CHPF: variants seen among roughly 807,000 people sequenced by gnomAD.
The protein encoded by CHPF is chondroitin polymerizing factor, non-catalytic subunit.
In CHPF, 34 loss-of-function variants were observed where a neutral mutation model predicts 55.1. The ratio of observed to expected loss-of-function variants is 0.62; its 90% CI spans 0.47 to 0.82. The LOEUF (loss-of-function observed/expected upper bound fraction) is 0.82. Ranked by LOEUF, CHPF falls within the 40% of genes least tolerant of loss-of-function variation. CHPF has a pLI of 0.00. For synonymous variants in CHPF, 489 were observed against 496.6 expected, an observed-to-expected ratio of 0.98 and a Z score of 0.20; for missense variants, 961 against 1,106.1, an observed-to-expected ratio of 0.87 and a Z score of 1.86.
intron 1 of CHPF, chr2:219,542,801 T>G: frequency 1.9e-6 from 1 of 523,492 alleles, no homozygotes; most frequent in African/African-American, 2.0e-5. Context: ...GATAGGTACA[T>G]TCCTCCCTCC....
Position 219,543,504 on chromosome 2 carries a change from G to A in CHPF, c.35C>T (p.Pro12Leu). Residue 12 changes from proline (P) to leucine (L), a missense_variant, in exon 1 of 4, where the codon CCC becomes CTC. Pro to Leu is a moderately conservative substitution (Grantham distance 98, BLOSUM62 -3). Transcript: ENST00000243776. ...RASLLLSVLRPAGPVAVGISL... is the reference protein window; with the variant it reads ...RASLLLSVLRLAGPVAVGISL... ...GATGCCCACGGCCACGGGCCCTGCG[G>A]GCCGCAGCACCGACAGCAGCAGCGA... The A allele has an allele frequency of 1.5e-6, 2 of 1,371,816 alleles. No individual in the cohort carries two copies. The highest frequency in any genetic ancestry group is 1.9e-6 in the Non-Finnish European group (2 of 1,068,518). 85.0% of individuals were successfully genotyped at this position (1,371,816 alleles called of 1,614,324 possible). A position where few individuals can be genotyped will look rare whatever the true frequency, so the allele number is the denominator to read the frequency against.
intron 1 of CHPF, chr2:219,542,993 C>T: frequency 3.9e-6 from 5 of 1,297,170 alleles, no homozygotes; most frequent in Non-Finnish European, 1.9e-6. Context: ...CGGGTCGAGC[C>T]GGTTTAGGAC....
At position 219,543,672 on chromosome 2, in the gene CHPF, G is replaced by T; in HGVS notation, c.-134C>A. ...CGGGCGGGCCCGCTCCCTCCCCGCA[G>T]AGCAGAGCCAGCGGCCCGAGCCGAA... On this transcript the variant is annotated 5_prime_UTR_variant, in exon 1 of 4. It adds an upstream start codon to the 5' untranslated region. Coordinates refer to ENST00000243776, the MANE Select transcript of CHPF (RefSeq NM_024536.6). The T allele has an allele frequency of 1.7e-6, 1 of 581,798 alleles. No individual in the cohort carries two copies. Among genetic ancestry groups the T allele is most frequent in the Non-Finnish European group, 2.6e-6 (1 of 381,788 alleles). 36.0% of individuals were successfully genotyped at this position (581,798 alleles called of 1,614,324 possible).
In CHPF at chr2:219,542,107, G is replaced by A; in HGVS notation, c.397C>T (p.Leu133=). Residue 133 remains leucine (L), a synonymous_variant, in exon 2 of 4, where the codon CTG becomes TTG. Transcript: ENST00000243776. Reference sequence around the variant, plus strand: ...AGCGTGCGGTTCACGGCCACGCCCAGCGTGGGCAGCGTGGTCTGAGAGGTC... The same window carrying A: ...AGCGTGCGGTTCACGGCCACGCCCAACGTGGGCAGCGTGGTCTGAGAGGTC... The part of the protein sequence containing the change: ...VLTSQTTLPT[L]GVAVNRTLGH... The A allele has an allele frequency of 1.3e-6, 2 of 1,568,704 alleles. No individual in the cohort carries two copies. Among genetic ancestry groups the A allele is most frequent in the Non-Finnish European group, 8.6e-7 (1 of 1,163,474 alleles).
intron 3 of CHPF, 151 bp downstream of exon 3, chr2:219,540,795 C>A (rs921772964): frequency 5.4e-6 from 7 of 1,287,858 alleles, no homozygotes; most frequent in Non-Finnish European, 7.5e-6. Context: ...CATAGACAGC[C>A]AAGAGGCTCA....
chr2:219,541,805 G>A lies in CHPF; in HGVS notation c.699C>T (p.Ile233=), dbSNP rs372965504. The change falls in exon 2 of 4, where the codon ATC becomes ATT. Residue 233 remains isoleucine, a synonymous_variant. Transcript: ENST00000243776. The part of the protein sequence containing the change: ...HLYLGRPQDF[I]GGEPTPGRYC... ...AGCGGCCGGGGGTGGGCTCTCCGCC[G>A]ATGAAGTCCTGGGGCCGGCCCAGGT... The A allele has an allele frequency of 8.7e-6, 14 of 1,606,650 alleles. No homozygotes were observed. The African/African-American group carries it at 1.6e-4, about 18-fold the overall frequency.
At chr2:219,542,625 C>T (rs990815445) in intron 1 of CHPF, among the ~76,000 whole-genome samples, 2 of 152,090 alleles carry the variant, frequency 1.3e-5, no homozygotes, top group Admixed American at 1.3e-4. Context: ...CATAAAGGAA[C>T]GTTTGGCATA....
intron 1 of CHPF, among the ~76,000 whole-genome samples, chr2:219,542,460 AGTT>A (rs1351536786): frequency 6.6e-6 from 1 of 152,180 alleles, no homozygotes; most frequent in Non-Finnish European, 1.5e-5. Flanking sequence ...GCTACTTAGT[AGTT>A]ATGTCCTTGA....
In CHPF at chr2:219,541,598, G is replaced by C; in HGVS notation, c.888+18C>G. 6.5e-7 allele frequency: 1 copy of C among 1,534,440 alleles called. No homozygotes were observed. Among genetic ancestry groups the C allele is most frequent in the Non-Finnish European group, 8.8e-7 (1 of 1,134,422 alleles). ...GAACATGACAAGGAGGTATCAGTGG[G>C]ATAGCTTATCATCCCACCTCGTGGT... On this transcript the variant is annotated intron_variant, in intron 2 of 3. Transcript: ENST00000243776.
chr2:219,541,883 G>A lies in CHPF; in HGVS notation c.621C>T (p.His207=), dbSNP rs769400484. The change falls in exon 2 of 4, where the codon CAC becomes CAT. Residue 207 remains histidine, a synonymous_variant. Transcript: ENST00000243776. The part of the protein sequence containing the change: ...LVPDTTYTEA[H]GLARLTGHLS... ...GGTGGCCAGTTAGGCGTGCCAGGCC[G>A]TGCGCCTCGGTGTAGGTGGTGTCAG... is the stretch of plus-strand genomic sequence containing the variant. 3 of 1,613,070 alleles carry A rather than the reference G, an allele frequency of 1.9e-6. No homozygotes were observed. The highest frequency in any genetic ancestry group is 1.3e-5 in the African/African-American group (1 of 74,930).
intron 3 of CHPF, 116 bp from the exon 4 acceptor site, chr2:219,540,758 C>T (rs1330851300): frequency 3.9e-6 from 5 of 1,282,238 alleles, no homozygotes; most frequent in Non-Finnish European, 5.3e-6. Context: ...CCCTGCCAAC[C>T]TCTGCCCATA....
In CHPF at chr2:219,540,212, G is replaced by T. The variant is rs764960369; in HGVS notation, c.1499C>A (p.Pro500His). 1 of 1,613,402 alleles carries T rather than the reference G, an allele frequency of 6.2e-7. No homozygotes were observed. The highest frequency in any genetic ancestry group is 8.5e-7 in the Non-Finnish European group (1 of 1,179,720). ...GAGACGTGAGGCCTCAGTGACATAG[G>T]GCACAGGCAAGATCTCCACGCGGCT... ...PLSRVEILPVPYVTEASRLTV... is the reference protein window; with the variant it reads ...PLSRVEILPVHYVTEASRLTV... The change falls in exon 4 of 4, where the codon CCC (proline) becomes CAC (histidine). Residue 500 changes from proline (P) to histidine (H), a missense_variant. Around this residue, in one of 3 missense-constraint regions of CHPF, gnomAD observed 936 missense variants for 1,058.4 expected, o/e 0.88. Transcript: ENST00000243776.
intron 1 of CHPF, 107 bp downstream of exon 1, chr2:219,543,118 T>C: frequency 7.3e-7 from 1 of 1,366,596 alleles, no homozygotes; most frequent in East Asian, 3.1e-5. Context: ...AAAGACTTCC[T>C]GGCTCGCCAG....
In CHPF at chr2:219,539,355, T is replaced by A; in HGVS notation, c.*28A>T. ...GGAGAAGTGGGGTGGGGTGTGGCCA[T>A]GCCACGGCCCACGGGGACAGGGTGG... On this transcript the variant is annotated 3_prime_UTR_variant, in exon 4 of 4. Transcript: ENST00000243776. 6.4e-7 allele frequency: 1 copy of A among 1,563,960 alleles called. No individual in the cohort carries two copies. Among genetic ancestry groups the A allele is most frequent in the Non-Finnish European group, 8.7e-7 (1 of 1,151,588 alleles).
In CHPF at chr2:219,539,500, G is replaced by A. The variant is rs761137866; in HGVS notation, c.2211C>T (p.Ser737=). The change falls in exon 4 of 4, where the codon AGC becomes AGT. Residue 737 remains serine, a synonymous_variant. Transcript: ENST00000243776. ...LLQRYRAQTC[S]ARLSEDLYHR... is the part of the protein sequence containing the mutation. Reference sequence around the variant, plus strand: ...GGTACAGGTCCTCACTGAGCCTCGCGCTGCACGTCTGGGCCCGGTAGCGCT... The same window carrying A: ...GGTACAGGTCCTCACTGAGCCTCGCACTGCACGTCTGGGCCCGGTAGCGCT... 1.1e-5 allele frequency: 18 copies of A among 1,613,600 alleles called. No homozygotes were observed. In the Admixed American group the frequency reaches 1.2e-4, roughly 10 times the overall value.
Position 219,541,069 on chromosome 2 carries a change from G to T in CHPF, c.945C>A (p.Asp315Glu), listed in dbSNP as rs770064387. 9.9e-6 allele frequency: 16 copies of T among 1,613,406 alleles called. No homozygotes were observed. The highest frequency in any genetic ancestry group is 2.2e-5 in the South Asian group (2 of 90,986). Residue 315 changes from aspartate (D) to glutamate (E), a missense_variant, in exon 3 of 4, where the codon GAC becomes GAA. By Grantham distance (45) the Asp-to-Glu change is conservative. Transcript: ENST00000243776. ...CTGTCAGGGCACTTCGGAAATGAGG[G>T]TCCCCCTCCTGCACTGGCTCCCCAG... ...LSPGEPVQEG[D>E]PHFRSALTAH... is the part of the protein sequence containing the mutation.
rs758749064 is a variant in CHPF at position 219,541,966 on chromosome 2, C to A, written c.538G>T (p.Ala180Ser). 1.2e-6 allele frequency: 2 copies of A among 1,611,418 alleles called. No homozygotes were observed. The highest frequency in any genetic ancestry group is 1.7e-6 in the Non-Finnish European group (2 of 1,178,900). ...TGCTGCTCCAGCAGGTGGCGCAGCG[C>A]CAGGTGCAGGTGTCCAATGGGTCGC... ...EERPIGHLHL[A>S]LRHLLEQHGD... The change falls in exon 2 of 4, where the codon GCG (alanine) becomes TCG (serine). Residue 180 changes from alanine to serine, a missense_variant. Transcript: ENST00000243776.
chr2:219,542,953 A>C, intron 1 of CHPF: 1 of 1,262,968 alleles, frequency 7.9e-7, no homozygotes, highest in Non-Finnish European at 9.9e-7. Context: ...CAGCCCAGCC[A>C]GGGAGCTAGT....
At position 219,540,886 on chromosome 2, in the gene CHPF, T is replaced by A. The variant is rs147050598; in HGVS notation, c.1068+60A>T. On this transcript the variant is annotated intron_variant, in intron 3 of 3. Coordinates refer to ENST00000243776, the MANE Select transcript of CHPF (RefSeq NM_024536.6). Reference sequence around the variant, plus strand: ...GTGCTAACTTGTCATTTCTCTGGGCTCTCTGTGACTTCTCAGATCCTGTCC... The same window carrying A: ...GTGCTAACTTGTCATTTCTCTGGGCACTCTGTGACTTCTCAGATCCTGTCC... 286 of 1,580,076 alleles carry A rather than the reference T, an allele frequency of 1.8e-4. 2 individuals carry two copies. Among genetic ancestry groups the A allele is most frequent in the South Asian group, 1.4e-3 (118 of 86,078 alleles).
Sources: allele counts gnomAD v4.1 joint callset (sites outside exome capture counted in the v4.1 genomes callset), GRCh38; gene constraint gnomAD v4.1.1; regional missense constraint gnomAD v4.1.1; transcripts MANE v1.5; gene names NCBI Gene and HGNC (gene_info 2026-07-23, HGNC 2026-07-21).